The following TOX variants were observed in gnomAD, a reference collection of about 807,000 sequenced individuals.
TOX encodes thymocyte selection-associated high mobility group box protein TOX.
Under a neutral mutation model 53.7 loss-of-function variants are expected in TOX, and 11 were observed. The ratio of observed to expected loss-of-function variants is 0.20; its 90% CI spans 0.13 to 0.34. The LOEUF is 0.34. TOX is among the 10% of genes least tolerant of loss of function. The pLI is 1.00. For synonymous variants in TOX, 225 were observed against 245.3 expected (o/e 0.92, Z 0.77); for missense variants, 570 against 664.6 (o/e 0.86, Z 1.56).
At chr8:58,914,707 G>A (rs893753924) in intron 3 of TOX, among the ~76,000 whole-genome samples, 1 of 152,188 alleles carries the variant, frequency 6.6e-6, no homozygotes, top group Admixed American at 6.5e-5. Flanking sequence ...AGCCAAGATG[G>A]CCGAATAGGA....
At chr8:59,066,312 T>C (rs956314935) in intron 1 of TOX, among the ~76,000 whole-genome samples, 1 of 152,238 alleles carries the variant, frequency 6.6e-6, no homozygotes, top group Admixed American at 6.5e-5. Context: ...GCTACACTTG[T>C]ACAAAAGGAA....
At chr8:59,021,463 C>CAAA (rs148800261) in intron 1 of TOX, among the ~76,000 whole-genome samples, 2,741 of 69,310 alleles carry the variant, frequency 0.04, 153 homozygotes, top group South Asian at 0.092. Flanking sequence ...TTTCTACAAG[C>CAAA]AAAAAAAAAA....
At chr8:58,865,831 T>TC (rs1811088733) in intron 3 of TOX, among the ~76,000 whole-genome samples, 1 of 87,244 alleles carries the variant, frequency 1.1e-5, no homozygotes, top group Non-Finnish European at 2.2e-5. Flanking sequence ...CAGTGGCTTT[T>TC]TTTTTTTTTT....
At chr8:59,031,022 C>T (rs1028826203) in intron 1 of TOX, among the ~76,000 whole-genome samples, 2 of 152,048 alleles carry the variant, frequency 1.3e-5, no homozygotes, top group African/African-American at 2.4e-5. Flanking sequence ...TTGCCATATG[C>T]AGAGAAAAAA....
chr8:59,090,511 A>T (rs889406948), intron 1 of TOX, among the ~76,000 whole-genome samples: 1 of 152,166 alleles, frequency 6.6e-6, no homozygotes, highest in Non-Finnish European at 1.5e-5. Context: ...TTGGCACCTG[A>T]TATTATTATA....
chr8:59,038,268 A>G (rs1382729340), intron 1 of TOX, among the ~76,000 whole-genome samples: 1 of 152,346 alleles, frequency 6.6e-6, no homozygotes, highest in East Asian at 1.9e-4. Flanking sequence ...ATTTATGGCT[A>G]CCCGAACACA....
At chr8:58,873,751 A>G (rs1424148469) in intron 3 of TOX, among the ~76,000 whole-genome samples, 1 of 151,930 alleles carries the variant, frequency 6.6e-6, no homozygotes, top group Non-Finnish European at 1.5e-5. Context: ...TATACTAAAC[A>G]TCTTTGGAAG....
rs1254642567 is a variant in TOX at position 59,093,415 on chromosome 8, C to G, written c.102+25471G>C. Among the ~76,000 whole-genome samples, 9 of 152,294 alleles carry G rather than the reference C, an allele frequency of 5.9e-5. No individual in the cohort carries two copies. In the East Asian group the frequency reaches 1.7e-3, roughly 29 times the overall value. ...GTGGTGGTAGGTGCTCAGTTAACATCCACTGAATGATTATTAATGTACTTT... is the reference window on the plus strand; with the variant it reads ...GTGGTGGTAGGTGCTCAGTTAACATGCACTGAATGATTATTAATGTACTTT... On this transcript the variant is annotated intron_variant, in intron 1 of 8. Coordinates refer to ENST00000361421, the MANE Select transcript of TOX (RefSeq NM_014729.3).
intron 1 of TOX, among the ~76,000 whole-genome samples, chr8:58,983,936 A>ATG (rs1490433579): frequency 6.6e-6 from 1 of 152,230 alleles, no homozygotes; most frequent in Non-Finnish European, 1.5e-5. Flanking sequence ...TTTATTCCAT[A>ATG]TGTGTCCCTG....
intron 3 of TOX, among the ~76,000 whole-genome samples, chr8:58,892,821 C>T (rs1399977693): frequency 6.6e-6 from 1 of 152,200 alleles, no homozygotes; most frequent in African/African-American, 2.4e-5. Flanking sequence ...CAAGTCACTT[C>T]ATCTACCTGC....
At chr8:58,816,011 A>G (rs910243106) in intron 6 of TOX, among the ~76,000 whole-genome samples, 4 of 152,124 alleles carry the variant, frequency 2.6e-5, no homozygotes, top group African/African-American at 9.7e-5. Flanking sequence ...GGGTGACAAG[A>G]TGGGTTTGTG....
chr8:59,118,612 G>A lies in TOX; in HGVS notation c.102+274C>T, dbSNP rs553454652. On this transcript the variant is annotated intron_variant, in intron 1 of 8. Transcript: ENST00000361421. This position sits in a 1 kb window ranked among gnomAD's most constrained non-coding sequence, Gnocchi z 4.1. ...TTATTATTTTTTTAAACGCCCCCCG[G>A]CAAACCTAGGCAGGGATCCTTAGCC... 9.2e-5 allele frequency among the ~76,000 whole-genome samples: 14 copies of A among 152,278 alleles called. No homozygotes were observed. Among genetic ancestry groups the A allele is most frequent in the African/African-American group, 3.1e-4 (13 of 41,564 alleles).
intron 3 of TOX, among the ~76,000 whole-genome samples, chr8:58,920,749 G>GAAAAAAAA (rs67652722): frequency 3.6e-5 from 4 of 110,854 alleles, no homozygotes; most frequent in African/African-American, 6.7e-5. Flanking sequence ...AAAAAAAGAA[G>GAAAAAAAA]AAAAAAAAAA....
chr8:59,037,800 TCA>T (rs1803496797), intron 1 of TOX, among the ~76,000 whole-genome samples: 1 of 86,414 alleles, frequency 1.2e-5, no homozygotes, highest in African/African-American at 7.8e-5. Flanking sequence ...AGACTCCATC[TCA>T]AAAAAAAAAA....
chr8:58,998,607 A>AC (rs542134998), intron 1 of TOX, among the ~76,000 whole-genome samples: 4 of 78,682 alleles, frequency 5.1e-5, no homozygotes, highest in African/African-American at 1.4e-4. Context: ...AAATTTATGT[A>AC]ATAAATTTAT....
intron 3 of TOX, among the ~76,000 whole-genome samples, chr8:58,873,957 G>GTTTTTTTTTTTTTTTTTTTTTT (rs1585873069): frequency 4.5e-5 from 2 of 43,992 alleles, no homozygotes; most frequent in African/African-American, 3.1e-4. Flanking sequence ...ATGCCAGGAA[G>GTTTTTTTTTTTTTTTTTTTTTT]CTTTTTTTTT....
intron 7 of TOX, among the ~76,000 whole-genome samples, chr8:58,814,080 A>G (rs1364183983): frequency 6.6e-6 from 1 of 152,224 alleles, no homozygotes. Context: ...TGAGAATTAA[A>G]GAAGAGGTGG....
At chr8:58,843,335 T>C (rs1238261808) in intron 4 of TOX, among the ~76,000 whole-genome samples, 6 of 152,198 alleles carry the variant, frequency 3.9e-5, no homozygotes, top group African/African-American at 7.2e-5. Context: ...CTAAACTAGA[T>C]CACCAAAGCT....
chr8:59,096,924 C>A (rs967042250), intron 1 of TOX, among the ~76,000 whole-genome samples: 2 of 152,162 alleles, frequency 1.3e-5, no homozygotes, highest in African/African-American at 4.8e-5. Flanking sequence ...TCTCTTGGGG[C>A]CTAGGGTGTC....
Sources: gnomAD v4.1 joint callset for allele counts (sites outside exome capture counted in the v4.1 genomes callset) on GRCh38, gnomAD v4.1.1 for gene constraint, Gnocchi (gnomAD v3.1) non-coding constraint, MANE v1.5 for transcripts, NCBI Gene and HGNC (gene_info 2026-07-23, HGNC 2026-07-21) for gene names.